The following KCNU1 variants were observed in gnomAD, a reference collection of about 807,000 sequenced individuals.
KCNU1 encodes the protein potassium calcium-activated channel subfamily U member 1, also known as potassium channel subfamily U member 1.
A neutral mutation model predicts 126.8 loss-of-function variants in KCNU1; 93 were observed. The observed-to-expected ratio is 0.73, with a 90% CI of 0.62 to 0.87. The LOEUF is 0.87. KCNU1 is among the 40% of genes least tolerant of loss of function. The probability of loss-of-function intolerance (pLI) is 0.00; values close to 1 mark genes in which losing one functional copy is unlikely to be tolerated. For missense variants in KCNU1, 1,330 were observed against 1,367.1 expected, an observed-to-expected ratio of 0.97 and a Z score of 0.43; for synonymous variants, 523 against 494.2, an observed-to-expected ratio of 1.06 and a Z score of -0.77.
At position 36,833,585 on chromosome 8, in the gene KCNU1, T is replaced by A; in HGVS notation, c.1138T>A (p.Phe380Ile). ...TPPSLELETI[F>I]KCYLAYTTFI... ...TCCTTCTTTGGAACTTGAAACCATATTTAAATGCTACTTGGCCTACACAAC... is the reference window on the plus strand; with the variant it reads ...TCCTTCTTTGGAACTTGAAACCATAATTAAATGCTACTTGGCCTACACAAC... The change falls in exon 11 of 27, where the codon TTT becomes ATT. Residue 380 changes from phenylalanine to isoleucine, a missense_variant. Phe to Ile is a conservative substitution (Grantham distance 21). Transcript: ENST00000399881. The A allele has an allele frequency of 6.2e-7, 1 of 1,612,054 alleles. No individual in the cohort carries two copies. Among genetic ancestry groups the A allele is most frequent in the Non-Finnish European group, 8.5e-7 (1 of 1,178,426 alleles).
chr8:36,895,170 C>G (rs550706031), intron 19 of KCNU1, among the ~76,000 whole-genome samples: 6 of 151,892 alleles, frequency 4.0e-5, no homozygotes, highest in Non-Finnish European at 8.8e-5. Context: ...TCACTGCCCC[C>G]CCAGTTCAAG....
At chr8:36,855,569 T>G (rs1805499280) in intron 18 of KCNU1, among the ~76,000 whole-genome samples, 1 of 152,190 alleles carries the variant, frequency 6.6e-6, no homozygotes, top group Non-Finnish European at 1.5e-5. Context: ...GAGATGAAAC[T>G]AGTGTAAATT....
At chr8:36,880,807 A>G (rs1440708664) in intron 19 of KCNU1, among the ~76,000 whole-genome samples, 1 of 152,196 alleles carries the variant, frequency 6.6e-6, no homozygotes, top group Non-Finnish European at 1.5e-5. Context: ...TAAATGTGTC[A>G]TATTACTTTT....
In KCNU1 at chr8:36,856,159, T is replaced by G. The variant is rs182146830; in HGVS notation, c.1892-8245T>G. Among the ~76,000 whole-genome samples, 642 of 152,340 alleles carry G rather than the reference T, an allele frequency of 4.2e-3. 3 individuals carry two copies. The highest frequency in any genetic ancestry group is 0.015 in the African/African-American group (622 of 41,576). The stretch of plus-strand genomic sequence containing the variant: ...TATGGATAATGTTTCTTTAGGGAGA[T>G]ATTGTCATCATGCTTTTATTTCTTT... On this transcript the variant is annotated intron_variant, in intron 18 of 26. Coordinates refer to ENST00000399881, the MANE Select transcript of KCNU1 (RefSeq NM_001031836.3).
At chr8:36,927,101 G>A (rs187256784) in intron 24 of KCNU1, among the ~76,000 whole-genome samples, 85 of 152,216 alleles carry the variant, frequency 5.6e-4, no homozygotes, top group African/African-American at 1.9e-3. Context: ...CGAATCCCAA[G>A]AAGGCAACAA....
intron 21 of KCNU1, among the ~76,000 whole-genome samples, chr8:36,910,485 C>T (rs898984834): frequency 3.3e-5 from 5 of 152,244 alleles, no homozygotes; most frequent in East Asian, 1.9e-4. Context: ...AAGAAAGAAG[C>T]GACTGCCACT....
chr8:36,824,925 A>G (rs1179645741), intron 10 of KCNU1, among the ~76,000 whole-genome samples: 1 of 152,186 alleles, frequency 6.6e-6, no homozygotes, highest in Non-Finnish European at 1.5e-5. Context: ...TTTGGCTATT[A>G]TAAAGAATGG....
intron 19 of KCNU1, among the ~76,000 whole-genome samples, chr8:36,865,176 A>T (rs1805860452): frequency 6.6e-6 from 1 of 152,156 alleles, no homozygotes; most frequent in Admixed American, 6.6e-5. Flanking sequence ...ATTATCAAAG[A>T]GTCGTTATAC....
intron 19 of KCNU1, among the ~76,000 whole-genome samples, chr8:36,871,939 A>C (rs1409389959): frequency 2.0e-5 from 3 of 152,176 alleles, no homozygotes; most frequent in Non-Finnish European, 4.4e-5. Context: ...CAACTCTATA[A>C]GACAAAGTGA....
rs200787072 is a variant in KCNU1, at chr8:36,935,391, G to GCAAAA, written c.3045-113_3045-109dup. 6.9e-6 allele frequency: 5 copies of GCAAAA among 724,534 alleles called. No individual in the cohort carries two copies. In the Admixed American group the frequency reaches 1.2e-4, roughly 18 times the overall value. 44.9% of individuals were successfully genotyped at this position (724,534 alleles called of 1,614,324 possible). A position where few individuals can be genotyped will look rare whatever the true frequency, so the allele number is the denominator to read the frequency against. On this transcript the variant is annotated intron_variant, in intron 26 of 26. Transcript: ENST00000399881. ...TTACTATTAATCAGAAACCCATGAA[G>GCAAAA]CAAAACAAAACAAAAACGTTTCCTC...
At chr8:36,857,618 G>T (rs1462949123) in intron 18 of KCNU1, among the ~76,000 whole-genome samples, 1 of 137,272 alleles carries the variant, frequency 7.3e-6, no homozygotes, top group East Asian at 2.2e-4. Flanking sequence ...TTGTTTGTTT[G>T]TTGTTTGTTT....
At chr8:36,842,858 C>T (rs754540142) in intron 16 of KCNU1, among the ~76,000 whole-genome samples, 8 of 152,192 alleles carry the variant, frequency 5.3e-5, no homozygotes, top group East Asian at 1.9e-4. Flanking sequence ...TTAGTAGAGA[C>T]GGGATTTCAC....
At chr8:36,883,417 C>T (rs1244052064) in intron 19 of KCNU1, among the ~76,000 whole-genome samples, 1 of 152,180 alleles carries the variant, frequency 6.6e-6, no homozygotes, top group Admixed American at 6.5e-5. Flanking sequence ...TACTCCTGTT[C>T]CCGCTGTCAT....
At position 36,931,109 on chromosome 8, in the gene KCNU1, T is replaced by A. The variant is rs767754633; in HGVS notation, c.2895T>A (p.Leu965=). The stretch of plus-strand genomic sequence containing the variant: ...GAAGAAACCGGTGTAAGCTGGGGCT[T>A]CTGTCCTTACACGAAACCATTTTAT... The part of the protein sequence containing the change: ...LSGRNRCKLG[L]LSLHETILSD... The change falls in exon 25 of 27, where the codon CTT becomes CTA. Residue 965 remains leucine, a synonymous_variant. Coordinates refer to ENST00000399881, the MANE Select transcript of KCNU1 (RefSeq NM_001031836.3). 1.9e-6 allele frequency: 3 copies of A among 1,611,180 alleles called. No individual in the cohort carries two copies. The highest frequency in any genetic ancestry group is 1.7e-4 in the Middle Eastern group (1 of 6,042).
At chr8:36,790,945 C>T (rs535545006) in intron 2 of KCNU1, among the ~76,000 whole-genome samples, 1 of 148,662 alleles carries the variant, frequency 6.7e-6, no homozygotes, top group African/African-American at 2.5e-5. Flanking sequence ...TGGGCAACCA[C>T]TCAATAGAAG....
At chr8:36,899,990 T>C (rs1807351509) in intron 19 of KCNU1, among the ~76,000 whole-genome samples, 3 of 152,230 alleles carry the variant, frequency 2.0e-5, no homozygotes, top group African/African-American at 7.2e-5. Flanking sequence ...TCTTCCCAGA[T>C]GGTTTCCTAA....
intron 19 of KCNU1, among the ~76,000 whole-genome samples, chr8:36,890,571 A>G (rs928266044): frequency 6.6e-6 from 1 of 152,034 alleles, no homozygotes; most frequent in Non-Finnish European, 1.5e-5. Flanking sequence ...CTCAATCAAA[A>G]CCAGAGAAGA....
In KCNU1 at chr8:36,870,671, C is replaced by A. The variant is rs80009318; in HGVS notation, c.2009+6150C>A. Among the ~76,000 whole-genome samples, 699 of 152,246 alleles carry A rather than the reference C, an allele frequency of 4.6e-3. 7 individuals carry two copies. The highest frequency in any genetic ancestry group is 0.016 in the African/African-American group (660 of 41,554). On this transcript the variant is annotated intron_variant, in intron 19 of 26. Transcript: ENST00000399881. ...ATTATCTGAGCAATTCCTTTTATCC[C>A]TTCTTATTTTATATTAAGCTTTTAA...
chr8:36,923,708 TTACTGCTGGGTCCTGCATCCA>T (rs1399730333), intron 24 of KCNU1, among the ~76,000 whole-genome samples: 1 of 152,208 alleles, frequency 6.6e-6, no homozygotes, highest in African/African-American at 2.4e-5. Context: ...TGGGTCATCC[TTACTGCTGGGTCCTGCATCCA>T]TTGGCTGGAG....
Sources: allele counts gnomAD v4.1 joint callset (sites outside exome capture counted in the v4.1 genomes callset), GRCh38; gene constraint gnomAD v4.1.1; transcripts MANE v1.5; gene names NCBI Gene and HGNC (gene_info 2026-07-23, HGNC 2026-07-21).